Variants in FRMD6 observed in about 807,000 individuals in gnomAD.
The protein encoded by FRMD6 is FERM domain-containing protein 6.
Under a neutral mutation model 73.2 loss-of-function variants are expected in FRMD6, and 37 were observed. The ratio of observed to expected loss-of-function variants is 0.51; its 90% confidence interval spans 0.39 to 0.66. The LOEUF (loss-of-function observed/expected upper bound fraction) is 0.66. FRMD6 is among the 30% of genes least tolerant of loss of function. FRMD6 has a pLI of 0.00. For synonymous variants in FRMD6, 273 were observed against 282.2 expected, an observed-to-expected ratio of 0.97 and a Z score of 0.33; for missense variants, 714 against 780.5, an observed-to-expected ratio of 0.91 and a Z score of 1.02.
At chr14:51,576,386 A>G (rs1397194369) in intron 2 of FRMD6, among the ~76,000 whole-genome samples, 1 of 152,190 alleles carries the variant, frequency 6.6e-6, no homozygotes, top group African/African-American at 2.4e-5. Context: ...GAGAAAGAAG[A>G]GTCCTTTAAA....
the FRMD6 span, among the ~76,000 whole-genome samples, chr14:51,412,831 G>A: frequency 6.6e-5 from 10 of 151,864 alleles, no homozygotes; most frequent in Middle Eastern, 3.4e-3. Flanking sequence ...CAGTCTGGGC[G>A]ACTGAGCAAG....
chr14:51,593,827 A>G (rs1432167642), intron 2 of FRMD6, among the ~76,000 whole-genome samples: 1 of 152,178 alleles, frequency 6.6e-6, no homozygotes, highest in Non-Finnish European at 1.5e-5. Flanking sequence ...GTATATATAA[A>G]TACACACATA....
At chr14:51,527,958 T>C (rs1252317290) in intron 1 of FRMD6, among the ~76,000 whole-genome samples, 2 of 152,000 alleles carry the variant, frequency 1.3e-5, no homozygotes, top group Non-Finnish European at 2.9e-5. Flanking sequence ...CTGGGCAACA[T>C]AGTGAGACCC....
chr14:51,436,332 G>A, the FRMD6 span: 2 of 383,942 alleles, frequency 5.2e-6, no homozygotes, highest in Non-Finnish European at 5.0e-6. Flanking sequence ...AACAACATTT[G>A]TTAACCATCC....
the FRMD6 span, among the ~76,000 whole-genome samples, chr14:51,439,527 G>T: frequency 1.3e-5 from 2 of 152,178 alleles, no homozygotes; most frequent in African/African-American, 4.8e-5. Flanking sequence ...TTGGCTTTGG[G>T]TTTTTAGTTC....
At chr14:51,405,664 T>C in the FRMD6 span, among the ~76,000 whole-genome samples, 1 of 152,120 alleles carries the variant, frequency 6.6e-6, no homozygotes, top group Non-Finnish European at 1.5e-5. Flanking sequence ...AATGGGGTTA[T>C]TTGTTTTCTC....
chr14:51,612,495 C>T (rs561914313), intron 2 of FRMD6, among the ~76,000 whole-genome samples: 7 of 152,342 alleles, frequency 4.6e-5, no homozygotes, highest in Non-Finnish European at 7.3e-5. Flanking sequence ...AGGTAACCGG[C>T]TACATGACCT....
At chr14:51,621,725 C>T (rs143015871) in intron 2 of FRMD6, among the ~76,000 whole-genome samples, 2 of 152,112 alleles carry the variant, frequency 1.3e-5, no homozygotes, top group Non-Finnish European at 2.9e-5. Context: ...AAAAACACAA[C>T]AGAACAGAAC....
intron 1 of FRMD6, among the ~76,000 whole-genome samples, chr14:51,560,791 CT>C (rs1035675773): frequency 7.2e-4 from 109 of 152,206 alleles, no homozygotes; most frequent in Middle Eastern, 3.4e-3. Context: ...GCTGATCTCA[CT>C]TTTTTTAGTT....
intron 1 of FRMD6, among the ~76,000 whole-genome samples, chr14:51,568,614 G>C (rs548330368): frequency 6.6e-6 from 1 of 152,294 alleles, no homozygotes; most frequent in Admixed American, 6.5e-5. Context: ...GGCTGCCCAA[G>C]GATGGTTCTG....
chr14:51,444,033 A>T, the FRMD6 span, among the ~76,000 whole-genome samples: 1 of 149,664 alleles, frequency 6.7e-6, no homozygotes, highest in Non-Finnish European at 1.5e-5. Flanking sequence ...GGTTCAAGTG[A>T]TTCTTCCGCT....
At chr14:51,518,656 A>T (rs1008023912) in intron 1 of FRMD6, among the ~76,000 whole-genome samples, 3 of 152,140 alleles carry the variant, frequency 2.0e-5, no homozygotes, top group Non-Finnish European at 4.4e-5. Flanking sequence ...TTTCCTTGTG[A>T]CCTTTCTCAT....
chr14:51,669,862 G>C (rs947556690), intron 1 of FRMD6, among the ~76,000 whole-genome samples: 1 of 150,768 alleles, frequency 6.6e-6, no homozygotes, highest in African/African-American at 2.5e-5. Context: ...AAATTTTTGT[G>C]GTTCATGTTT....
At chr14:51,416,254 A>G in the FRMD6 span, among the ~76,000 whole-genome samples, 2 of 152,092 alleles carry the variant, frequency 1.3e-5, no homozygotes, top group African/African-American at 4.8e-5. Context: ...TAGGGTGTCA[A>G]TTTTAGATCT....
the FRMD6 span, among the ~76,000 whole-genome samples, chr14:51,482,794 G>A: frequency 5.8e-4 from 88 of 151,912 alleles, no homozygotes; most frequent in Non-Finnish European, 1.2e-3. Flanking sequence ...TCTGCCTCCT[G>A]GGTTCACTCA....
rs549560069 is a variant in FRMD6 at position 51,706,667 on chromosome 14, G to A, written c.559-1411G>A. On this transcript the variant is annotated intron_variant, in intron 6 of 13. Transcript: ENST00000344768. Reference sequence around the variant, plus strand: ...ACTCCTACTCATCCTCCGAGACTCAGCCCAGGTGTCGCTCCTTCTGGGCAG... The same window carrying A: ...ACTCCTACTCATCCTCCGAGACTCAACCCAGGTGTCGCTCCTTCTGGGCAG... Among the ~76,000 whole-genome samples, 6 of 152,144 alleles carry A rather than the reference G, an allele frequency of 3.9e-5. No homozygotes were observed. In the East Asian group the frequency reaches 1.2e-3, roughly 29 times the overall value.
At chr14:51,594,742 C>T (rs1438229778) in intron 2 of FRMD6, among the ~76,000 whole-genome samples, 6 of 152,280 alleles carry the variant, frequency 3.9e-5, no homozygotes, top group African/African-American at 1.4e-4. Flanking sequence ...GGATTACAGG[C>T]ATGAGCCACC....
intron 1 of FRMD6, among the ~76,000 whole-genome samples, chr14:51,543,903 A>G (rs926613864): frequency 6.6e-6 from 1 of 152,066 alleles, no homozygotes; most frequent in Non-Finnish European, 1.5e-5. Context: ...TACTTTGGAA[A>G]TGAATTCGCA....
At chr14:51,712,944 T>A (rs1005223557) in intron 9 of FRMD6, among the ~76,000 whole-genome samples, 9 of 152,226 alleles carry the variant, frequency 5.9e-5, no homozygotes, top group African/African-American at 1.2e-4. Context: ...TATAAAAAGA[T>A]GTTTCTATTA....
Sources: allele counts gnomAD v4.1 joint callset (sites outside exome capture counted in the v4.1 genomes callset), GRCh38; gene constraint gnomAD v4.1.1; transcripts MANE v1.5; gene names NCBI Gene and HGNC (gene_info 2026-07-23, HGNC 2026-07-21).